IDNK: variants seen among roughly 807,000 people sequenced by gnomAD.
The protein encoded by IDNK is IDNK gluconokinase.
In IDNK, 9 loss-of-function variants were observed where a neutral mutation model predicts 13.0. The observed-to-expected ratio is 0.69, with a 90% CI of 0.42 to 1.21. The LOEUF (loss-of-function observed/expected upper bound fraction) is 1.21, where lower values mean the gene tolerates loss of function less well. IDNK is among the 50% of genes most tolerant of loss of function. The pLI, the probability that IDNK is intolerant of heterozygous loss-of-function variation, is 0.00. For missense variants in IDNK, 210 were observed against 237.8 expected (o/e 0.88, Z 0.77); for synonymous variants, 92 against 94.9 (o/e 0.97, Z 0.18).
intron 3 of IDNK, among the ~76,000 whole-genome samples, chr9:83,636,149 G>A (rs867267764): frequency 2.0e-5 from 3 of 152,168 alleles, no homozygotes; most frequent in Non-Finnish European, 4.4e-5. Flanking sequence ...AGAAAGAAAG[G>A]AATTTAGAAA....
chr9:83,637,858 G>A (rs1831205741), intron 3 of IDNK, among the ~76,000 whole-genome samples: 1 of 152,100 alleles, frequency 6.6e-6, no homozygotes, highest in South Asian at 2.1e-4. Context: ...TCATATAAGG[G>A]CTGTCTTTGA....
chr9:83,643,722 T>G lies in IDNK; in HGVS notation c.506T>G (p.Val169Gly), dbSNP rs767775643. 8.1e-6 allele frequency: 13 copies of G among 1,613,132 alleles called. 1 individual carries two copies. The South Asian group carries it at 1.3e-4, about 16-fold the overall frequency. ...CCAGAAAACTTTATCCAAATAAGTG[T>G]GGACAAAAATGTTTCAGAGATAATT... ...AAPENFIQIS[V>G]DKNVSEIIAT... The change falls in exon 5 of 5, where the codon GTG (valine) becomes GGG (glycine). Residue 169 changes from valine to glycine, a missense_variant. Val to Gly is a moderately radical substitution (Grantham distance 109). Coordinates refer to ENST00000376419, the MANE Select transcript of IDNK (RefSeq NM_001001551.4).
intron 3 of IDNK, among the ~76,000 whole-genome samples, chr9:83,632,695 G>GA (rs1356462498): frequency 6.6e-6 from 1 of 152,088 alleles, no homozygotes; most frequent in Non-Finnish European, 1.5e-5. Context: ...TCTGGAGTGT[G>GA]AAAACCTTGA....
intron 2 of IDNK, among the ~76,000 whole-genome samples, 158 bp downstream of exon 2, chr9:83,628,369 T>C (rs1830919205): frequency 6.6e-6 from 1 of 152,200 alleles, no homozygotes; most frequent in South Asian, 2.1e-4. Flanking sequence ...CAAATAGTGA[T>C]GAATAGGCAG....
chr9:83,624,204 T>C (rs965020428), intron 1 of IDNK, among the ~76,000 whole-genome samples: 1 of 152,198 alleles, frequency 6.6e-6, no homozygotes, highest in African/African-American at 2.4e-5. Context: ...TTTGAATCAG[T>C]TGGAGAATGT....
At chr9:83,639,617 A>G (rs1439955378) in intron 3 of IDNK, among the ~76,000 whole-genome samples, 1 of 152,262 alleles carries the variant, frequency 6.6e-6, no homozygotes, top group East Asian at 1.9e-4. Flanking sequence ...TGATGCCAGT[A>G]AATTTGAAGA....
intron 1 of IDNK, 186 bp from the exon 2 acceptor site, chr9:83,627,995 C>T (rs142469825): frequency 0.01 from 14,105 of 1,372,984 alleles, 90 homozygotes; most frequent in Non-Finnish European, 0.012. Flanking sequence ...CATTGACATT[C>T]GTGGGGATCA....
At chr9:83,640,633 G>C (rs1831278467) in intron 3 of IDNK, among the ~76,000 whole-genome samples, 1 of 152,206 alleles carries the variant, frequency 6.6e-6, no homozygotes, top group Non-Finnish European at 1.5e-5. Context: ...CCTGAGGTCA[G>C]GAGTTCGAGA....
chr9:83,626,864 C>T, intron 1 of IDNK: 1 of 1,089,358 alleles, frequency 9.2e-7, no homozygotes, highest in South Asian at 2.2e-5. Flanking sequence ...TTTCACTGCT[C>T]TCGCAACCTT....
intron 1 of IDNK, chr9:83,623,435 C>T: frequency 1.8e-6 from 1 of 554,968 alleles, no homozygotes; most frequent in Non-Finnish European, 3.2e-6. Context: ...ATCCGAGCTC[C>T]GGGTTCCCGC....
intron 3 of IDNK, among the ~76,000 whole-genome samples, chr9:83,631,456 A>G (rs1164647898): frequency 2.2e-5 from 3 of 136,694 alleles, no homozygotes; most frequent in Non-Finnish European, 4.5e-5. Context: ...AAACTGAAAA[A>G]AAAAAAAAAA....
At chr9:83,630,017 T>C (rs1031217684) in intron 3 of IDNK, among the ~76,000 whole-genome samples, 8 of 152,220 alleles carry the variant, frequency 5.3e-5, no homozygotes, top group African/African-American at 1.9e-4. Context: ...GGCCACGCAC[T>C]AAGTGTGTCC....
intron 1 of IDNK, chr9:83,626,639 A>G (rs1380103182): frequency 6.3e-6 from 7 of 1,111,966 alleles, no homozygotes; most frequent in Non-Finnish European, 8.4e-6. Context: ...CTAGTCCCGA[A>G]CTCCTGGCCT....
At chr9:83,628,295 T>C in intron 2 of IDNK, 84 bp downstream of exon 2, 1 of 1,191,848 alleles carries the variant, frequency 8.4e-7, no homozygotes, top group Non-Finnish European at 1.2e-6. Context: ...TTCTGCTTTG[T>C]ACAGACACTT....
At position 83,642,946 on chromosome 9, in the gene IDNK, T is replaced by C. The variant is rs571291458; in HGVS notation, c.213-483T>C. On this transcript the variant is annotated intron_variant, in intron 4 of 4. Transcript: ENST00000376419. ...CACCTGGCAACTCCCCCAGACACTG[T>C]AGAGTAGGAATGGGGAGAATCCAGT... Among the ~76,000 whole-genome samples, 20 of 152,164 alleles carry C rather than the reference T, an allele frequency of 1.3e-4. No individual in the cohort carries two copies. The South Asian group carries it at 3.1e-3, about 24-fold the overall frequency.
chr9:83,641,741 C>A, intron 4 of IDNK, 150 bp downstream of exon 4: 1 of 807,874 alleles, frequency 1.2e-6, no homozygotes, highest in Admixed American at 2.6e-5. Flanking sequence ...CAGGTAACCA[C>A]AATGATTTCA....
At chr9:83,626,955 G>A (rs564208939) in intron 1 of IDNK, 129 of 591,408 alleles carry the variant, frequency 2.2e-4, no homozygotes, top group Non-Finnish European at 2.7e-4. Flanking sequence ...AAAGAAAGAG[G>A]ACCTTTGTTA....
chr9:83,626,589 G>C (rs1356196350), intron 1 of IDNK: 3 of 645,660 alleles, frequency 4.6e-6, no homozygotes. Context: ...GCTAAGTTTT[G>C]TATTTTTAGT....
At position 83,643,414 on chromosome 9, in the gene IDNK, T is replaced by C. The variant is rs1343801712; in HGVS notation, c.213-15T>C. On this transcript the variant is annotated splice_polypyrimidine_tract_variant and intron_variant, in intron 4 of 4. Transcript: ENST00000376419. Reference sequence around the variant, plus strand: ...TTCTTTAGCCTCCCTCTTTTTTTTTTCTTTTTCTAAACAGAGATGTAGCCT... The same window carrying C: ...TTCTTTAGCCTCCCTCTTTTTTTTTCCTTTTTCTAAACAGAGATGTAGCCT... 6.4e-7 allele frequency: 1 copy of C among 1,563,188 alleles called. No individual in the cohort carries two copies. The highest frequency in any genetic ancestry group is 8.7e-7 in the Non-Finnish European group (1 of 1,155,126).
Sources: gnomAD v4.1 joint callset for allele counts (sites outside exome capture counted in the v4.1 genomes callset) on GRCh38, gnomAD v4.1.1 for gene constraint, MANE v1.5 for transcripts, NCBI Gene and HGNC (gene_info 2026-07-23, HGNC 2026-07-21) for gene names.